CCDC158: variants seen among roughly 807,000 people sequenced by gnomAD.
CCDC158 encodes the protein coiled-coil domain containing 158, also known as coiled-coil domain-containing protein 158.
Under a neutral mutation model 138.6 loss-of-function variants are expected in CCDC158, and 116 were observed. The ratio of observed to expected loss-of-function variants is 0.84; its 90% CI spans 0.72 to 0.98. The LOEUF is 0.98. Ranked by LOEUF, CCDC158 falls within the 50% of genes least tolerant of loss-of-function variation. The pLI, the probability that CCDC158 is intolerant of heterozygous loss-of-function variation, is 0.00. For synonymous variants in CCDC158, 436 were observed against 442.4 expected (o/e 0.99, Z 0.18); for missense variants, 1,265 against 1,306.1 (o/e 0.97, Z 0.48).
At chr4:76,380,748 G>A (rs933662091) in intron 8 of CCDC158, among the ~76,000 whole-genome samples, 3 of 152,202 alleles carry the variant, frequency 2.0e-5, no homozygotes, top group East Asian at 3.8e-4. Context: ...TGTCTCCGGG[G>A]CATGTCAGAG....
intron 18 of CCDC158, among the ~76,000 whole-genome samples, chr4:76,334,687 T>C (rs1215164007): frequency 6.6e-6 from 1 of 152,178 alleles, no homozygotes; most frequent in Non-Finnish European, 1.5e-5. Context: ...TTCAGATTGA[T>C]AGTGTACCCC....
intron 4 of CCDC158, among the ~76,000 whole-genome samples, chr4:76,388,796 C>CAGAG (rs149088772): frequency 9.1e-4 from 137 of 150,148 alleles, no homozygotes; most frequent in African/African-American, 3.1e-3. Flanking sequence ...TGGCTCAGCA[C>CAGAG]AGAGAGAGAG....
At chr4:76,414,565 C>G (rs565418176) in intron 1 of CCDC158, among the ~76,000 whole-genome samples, 2 of 152,306 alleles carry the variant, frequency 1.3e-5, no homozygotes, top group East Asian at 3.9e-4. Context: ...TGTGTCCCCA[C>G]CCAAATCTCA....
chr4:76,383,135 C>T (rs561522142), intron 7 of CCDC158, among the ~76,000 whole-genome samples: 1 of 152,348 alleles, frequency 6.6e-6, no homozygotes, highest in Admixed American at 6.5e-5. Context: ...CTCTCTCCTT[C>T]ACCAAACTTT....
chr4:76,404,547 G>A (rs1005944106), intron 2 of CCDC158, among the ~76,000 whole-genome samples: 2 of 151,974 alleles, frequency 1.3e-5, no homozygotes, highest in Non-Finnish European at 2.9e-5. Context: ...AAACAAACAG[G>A]AAGAGATGAA....
intron 4 of CCDC158, among the ~76,000 whole-genome samples, chr4:76,388,733 C>T (rs75074247): frequency 0.025 from 3,799 of 152,130 alleles, 151 homozygotes; most frequent in African/African-American, 0.087. Flanking sequence ...CCATCACATT[C>T]CCAGTGGTGG....
intron 23 of CCDC158, among the ~76,000 whole-genome samples, chr4:76,323,882 G>A (rs1321699071): frequency 6.6e-6 from 1 of 152,202 alleles, no homozygotes; most frequent in Non-Finnish European, 1.5e-5. Flanking sequence ...TTGTATGATG[G>A]CAGAGGGTGG....
At chr4:76,405,713 TTAAAA>T (rs1247670028) in intron 2 of CCDC158, among the ~76,000 whole-genome samples, 3 of 151,978 alleles carry the variant, frequency 2.0e-5, no homozygotes, top group Non-Finnish European at 4.4e-5. Flanking sequence ...GACCATTGAC[TTAAAA>T]TGGAATAGAC....
At chr4:76,366,444 C>T (rs1049530626) in intron 12 of CCDC158, among the ~76,000 whole-genome samples, 6 of 151,944 alleles carry the variant, frequency 3.9e-5, no homozygotes, top group African/African-American at 1.5e-4. Flanking sequence ...TGACATTAAT[C>T]CTATGAAATC....
In CCDC158 at chr4:76,344,750, C is replaced by A. The variant is rs113651135; in HGVS notation, c.2664+6246G>T. ...ATGACACTCTTATTGAAACAACAGA[C>A]TATGCTGGGCTTATTATTCCACCTG... On this transcript the variant is annotated intron_variant, in intron 18 of 24. Transcript: ENST00000682701. 275 of 1,613,114 alleles carry A rather than the reference C, an allele frequency of 1.7e-4. 1 individual carries two copies. The African/African-American group carries it at 3.4e-3, about 20-fold the overall frequency.
intron 18 of CCDC158, among the ~76,000 whole-genome samples, chr4:76,347,062 C>T (rs776636573): frequency 2.0e-5 from 3 of 152,146 alleles, no homozygotes; most frequent in Admixed American, 2.0e-4. Context: ...AATAGGAATG[C>T]TTTTACACTG....
At chr4:76,368,055 A>G (rs1724868831) in intron 11 of CCDC158, among the ~76,000 whole-genome samples, 1 of 152,004 alleles carries the variant, frequency 6.6e-6, no homozygotes, top group Non-Finnish European at 1.5e-5. Context: ...TAACTCAATC[A>G]TTTTGCTGTC....
Position 76,322,872 on chromosome 4 carries a change from G to A in CCDC158, c.3277+430C>T, listed in dbSNP as rs142664856. Among the ~76,000 whole-genome samples, 80 of 152,196 alleles carry A rather than the reference G, an allele frequency of 5.3e-4. 1 individual carries two copies. The highest frequency in any genetic ancestry group is 1.8e-3 in the African/African-American group (76 of 41,548). On this transcript the variant is annotated intron_variant, in intron 24 of 24. Coordinates refer to ENST00000682701, the MANE Select transcript of CCDC158 (RefSeq NM_001394954.1). ...GTTGGGTGGCATAGTGTCTTATAGTGCTATGCTAATTTAAATCCTGTGTAA... is the reference window on the plus strand; with the variant it reads ...GTTGGGTGGCATAGTGTCTTATAGTACTATGCTAATTTAAATCCTGTGTAA...
chr4:76,378,714 A>G (rs1457398310), intron 9 of CCDC158, among the ~76,000 whole-genome samples: 1 of 152,230 alleles, frequency 6.6e-6, no homozygotes, highest in Non-Finnish European at 1.5e-5. Flanking sequence ...ACTCTGGATA[A>G]ACAGATGACA....
chr4:76,317,847 C>T (rs766654285), intron 24 of CCDC158, among the ~76,000 whole-genome samples: 1 of 152,034 alleles, frequency 6.6e-6, no homozygotes, highest in Admixed American at 6.6e-5. Context: ...AAATTAACTC[C>T]AAAAGGAACC....
intron 9 of CCDC158, among the ~76,000 whole-genome samples, chr4:76,372,551 A>T (rs1725341230): frequency 6.6e-6 from 1 of 152,262 alleles, no homozygotes; most frequent in African/African-American, 2.4e-5. Flanking sequence ...AAGTTTCGGT[A>T]ATAAAAGGCA....
At chr4:76,374,096 T>C (rs1224168019) in intron 9 of CCDC158, among the ~76,000 whole-genome samples, 1 of 152,002 alleles carries the variant, frequency 6.6e-6, no homozygotes, top group Non-Finnish European at 1.5e-5. Context: ...TTTGAAGCTG[T>C]AATGAGTCAT....
chr4:76,416,004 C>T (rs1471609780), intron 1 of CCDC158, among the ~76,000 whole-genome samples: 1 of 152,240 alleles, frequency 6.6e-6, no homozygotes, highest in Non-Finnish European at 1.5e-5. Context: ...TGATGCTGTC[C>T]TTCAGTGGTC....
chr4:76,387,964 G>A (rs1726972196), intron 4 of CCDC158, among the ~76,000 whole-genome samples: 1 of 152,116 alleles, frequency 6.6e-6, no homozygotes, highest in African/African-American at 2.4e-5. Flanking sequence ...AGTGAGCTGA[G>A]ATGGCACCAC....
Sources: allele counts gnomAD v4.1 joint callset (sites outside exome capture counted in the v4.1 genomes callset), GRCh38; gene constraint gnomAD v4.1.1; transcripts MANE v1.5; gene names NCBI Gene and HGNC (gene_info 2026-07-23, HGNC 2026-07-21).